TIAM1: variants seen among roughly 807,000 people sequenced by gnomAD.
TIAM1 encodes the protein TIAM Rac1 associated GEF 1, also known as rho guanine nucleotide exchange factor TIAM1.
A neutral mutation model predicts 163.5 loss-of-function variants in TIAM1; 65 were observed. The ratio of observed to expected loss-of-function variants is 0.40; its 90% CI spans 0.33 to 0.49. The LOEUF is 0.49. Ranked by LOEUF, TIAM1 falls within the 20% of genes least tolerant of loss-of-function variation. The probability of loss-of-function intolerance (pLI) is 0.77; values close to 1 mark genes in which losing one functional copy is unlikely to be tolerated. For missense variants in TIAM1, 1,789 were observed against 2,044.7 expected, an observed-to-expected ratio of 0.87 and a Z score of 2.41; for synonymous variants, 833 against 810.1, an observed-to-expected ratio of 1.03 and a Z score of -0.48.
intron 1 of TIAM1, among the ~76,000 whole-genome samples, chr21:31,467,149 A>G (rs946556033): frequency 1.3e-5 from 2 of 152,188 alleles, no homozygotes; most frequent in Non-Finnish European, 2.9e-5. Context: ...TCAACATAGC[A>G]AGACCCCATC....
At chr21:31,405,606 A>G (rs187273292) in intron 2 of TIAM1, among the ~76,000 whole-genome samples, 15 of 152,324 alleles carry the variant, frequency 9.8e-5, no homozygotes, top group African/African-American at 3.4e-4. Context: ...AGGAGGAGCA[A>G]GTCACATCTT....
chr21:31,544,075 T>TG (rs34356220), intron 1 of TIAM1, among the ~76,000 whole-genome samples: 21,318 of 152,040 alleles, frequency 0.14, 1,747 homozygotes, highest in Non-Finnish European at 0.18. Flanking sequence ...CTGGGCATGG[T>TG]GGCAAGTGCC....
intron 1 of TIAM1, among the ~76,000 whole-genome samples, chr21:31,552,048 C>CTTTTTTTTTT (rs200300720): frequency 1.2e-5 from 1 of 80,154 alleles, no homozygotes; most frequent in Non-Finnish European, 2.2e-5. Flanking sequence ...CTCTGCACTA[C>CTTTTTTTTTT]TTTTTTTTTT....
chr21:31,523,581 A>G (rs978972201), intron 1 of TIAM1, among the ~76,000 whole-genome samples: 1 of 152,150 alleles, frequency 6.6e-6, no homozygotes, highest in Non-Finnish European at 1.5e-5. Context: ...CTGTGGGCAA[A>G]TCTCTTCATC....
intron 2 of TIAM1, among the ~76,000 whole-genome samples, chr21:31,442,484 C>T (rs1382440051): frequency 6.6e-6 from 1 of 152,028 alleles, no homozygotes; most frequent in Non-Finnish European, 1.5e-5. Flanking sequence ...CTGCCTGCCT[C>T]CGCCTCCCAA....
chr21:31,309,479 TA>T (rs1333741230), intron 2 of TIAM1, among the ~76,000 whole-genome samples: 1 of 151,676 alleles, frequency 6.6e-6, no homozygotes, highest in Non-Finnish European at 1.5e-5. Flanking sequence ...AATAAATGAA[TA>T]AAAAAATAAA....
chr21:31,338,992 C>G (rs1022695421), intron 2 of TIAM1, among the ~76,000 whole-genome samples: 1 of 151,994 alleles, frequency 6.6e-6, no homozygotes, highest in Admixed American at 6.6e-5. Flanking sequence ...GAGGATTACC[C>G]GCAGCCAACT....
At chr21:31,464,006 G>T (rs9977815) in exon 2 of TIAM1, 1 of 151,964 alleles carries the variant, frequency 6.6e-6, no homozygotes, top group African/African-American at 2.4e-5. Context: ...GGCTTCTGAA[G>T]CTGTTTACAT....
chr21:31,529,396 G>A (rs2047902893), intron 1 of TIAM1, among the ~76,000 whole-genome samples: 1 of 152,078 alleles, frequency 6.6e-6, no homozygotes, highest in Non-Finnish European at 1.5e-5. Flanking sequence ...TGTTACTACT[G>A]TAACAATTAC....
intron 19 of TIAM1, among the ~76,000 whole-genome samples, chr21:31,147,699 AATAT>A (rs1029464339): frequency 1.4e-5 from 2 of 144,830 alleles, no homozygotes; most frequent in African/African-American, 5.1e-5. Flanking sequence ...TATTCTATAA[AATAT>A]ATATTTTATA....
chr21:31,453,082 T>C (rs1340369131), intron 2 of TIAM1: 3 of 370,466 alleles, frequency 8.1e-6, no homozygotes, highest in Non-Finnish European at 1.6e-5. Flanking sequence ...GATCTTCTGT[T>C]TGGAGAGGAT....
chr21:31,262,677 G>C (rs1227157002), intron 4 of TIAM1, among the ~76,000 whole-genome samples: 1 of 152,068 alleles, frequency 6.6e-6, no homozygotes, highest in Non-Finnish European at 1.5e-5. Flanking sequence ...CCAAAAACAG[G>C]AAAAAGGGCC....
Position 31,395,513 on chromosome 21 carries a change from C to T in TIAM1, c.-368-56091G>A, listed in dbSNP as rs763582482. Reference sequence around the variant, plus strand: ...TCTAAACACAGCCAATCACCAGATACGCCACAGAGGCGAAGAGAAGGGCCA... The same window carrying T: ...TCTAAACACAGCCAATCACCAGATATGCCACAGAGGCGAAGAGAAGGGCCA... On this transcript the variant is annotated intron_variant, in intron 2 of 28. Transcript: ENST00000286827. This position sits in a 1 kb window ranked among gnomAD's most constrained non-coding sequence, Gnocchi z 7.5. 8.5e-5 allele frequency among the ~76,000 whole-genome samples: 13 copies of T among 152,176 alleles called. No individual in the cohort carries two copies. Among genetic ancestry groups the T allele is most frequent in the East Asian group, 1.9e-4 (1 of 5,188 alleles).
intron 16 of TIAM1, chr21:31,160,597 T>C: frequency 5.0e-6 from 2 of 398,408 alleles, no homozygotes; most frequent in Non-Finnish European, 4.4e-6. Flanking sequence ...GAGACAGAAG[T>C]TTCTTAAAAT....
At chr21:31,375,318 G>A (rs570528378) in intron 2 of TIAM1, among the ~76,000 whole-genome samples, 1 of 152,300 alleles carries the variant, frequency 6.6e-6, no homozygotes, top group South Asian at 2.1e-4. Context: ...CAAATGTGGT[G>A]TTTGGGTACA....
At chr21:31,186,676 G>A (rs1203855379) in intron 14 of TIAM1, among the ~76,000 whole-genome samples, 1 of 152,092 alleles carries the variant, frequency 6.6e-6, no homozygotes, top group African/African-American at 2.4e-5. Flanking sequence ...AGCGACCTGG[G>A]GGGCTGAGGT....
At chr21:31,231,060 T>C (rs1472778763) in intron 6 of TIAM1, among the ~76,000 whole-genome samples, 1 of 151,792 alleles carries the variant, frequency 6.6e-6, no homozygotes, top group Non-Finnish European at 1.5e-5. Flanking sequence ...GCCAGTAAAA[T>C]GTGAGTAGAA....
At chr21:31,143,099 T>G (rs768567226) in intron 20 of TIAM1, among the ~76,000 whole-genome samples, 5 of 152,234 alleles carry the variant, frequency 3.3e-5, no homozygotes, top group African/African-American at 1.2e-4. Flanking sequence ...GCGTGGGCAC[T>G]CTGGACGTTT....
intron 1 of TIAM1, among the ~76,000 whole-genome samples, chr21:31,468,050 T>C (rs868429879): frequency 8.8e-5 from 13 of 147,296 alleles, no homozygotes; most frequent in Non-Finnish European, 1.6e-4. Context: ...CATCACACCA[T>C]TGCACTCCAC....
Sources: allele counts gnomAD v4.1 joint callset (sites outside exome capture counted in the v4.1 genomes callset), GRCh38; gene constraint gnomAD v4.1.1; non-coding constraint Gnocchi (gnomAD v3.1); transcripts MANE v1.5; gene names NCBI Gene and HGNC (gene_info 2026-07-23, HGNC 2026-07-21).